PTPRN2: variants seen among roughly 807,000 people sequenced by gnomAD.
The protein encoded by PTPRN2 is receptor-type tyrosine-protein phosphatase N2.
In PTPRN2, 74 loss-of-function variants were observed where a neutral mutation model predicts 118.8. The ratio of observed to expected loss-of-function variants is 0.62; its 90% CI spans 0.52 to 0.76. The LOEUF (loss-of-function observed/expected upper bound fraction) is 0.76. PTPRN2 is among the 30% of genes least tolerant of loss of function. PTPRN2 has a pLI of 0.00. For synonymous variants in PTPRN2, 641 were observed against 608.0 expected (o/e 1.05, Z -0.80); for missense variants, 1,481 against 1,394.4 (o/e 1.06, Z -0.99).
At chr7:158,134,535 C>G (rs1459200186) in intron 8 of PTPRN2, among the ~76,000 whole-genome samples, 2 of 152,226 alleles carry the variant, frequency 1.3e-5, no homozygotes. Flanking sequence ...CATGAACACA[C>G]TGAGTCCTCA....
chr7:157,792,876 G>A (rs976986941), intron 12 of PTPRN2, among the ~76,000 whole-genome samples: 1 of 152,164 alleles, frequency 6.6e-6, no homozygotes, highest in African/African-American at 2.4e-5. Flanking sequence ...TGGGCACTGC[G>A]CTTCAACTTC....
At chr7:158,070,438 G>T (rs1811170310) in intron 11 of PTPRN2, among the ~76,000 whole-genome samples, 2 of 142,040 alleles carry the variant, frequency 1.4e-5, no homozygotes, top group Admixed American at 1.4e-4. Flanking sequence ...TCGTGGTGGT[G>T]GAGGTGCCCG....
At position 157,676,535 on chromosome 7, in the gene PTPRN2, G is replaced by A. The variant is rs1171926039; in HGVS notation, c.2001+6190C>T. On this transcript the variant is annotated intron_variant, in intron 13 of 22. Coordinates refer to ENST00000389418, the MANE Select transcript of PTPRN2 (RefSeq NM_002847.5). The surrounding 1 kb of genome is among the most constrained non-coding windows in gnomAD (Gnocchi z 5.6). ...TCCCACAGTGCCTCACACTACGAGG[G>A]AAGATGGTGGAGGAGCTGTCCAGAC... Among the ~76,000 whole-genome samples, 1 of 152,198 alleles carries A rather than the reference G, an allele frequency of 6.6e-6. No homozygotes were observed. Among genetic ancestry groups the A allele is most frequent in the Admixed American group, 6.5e-5 (1 of 15,288 alleles).
chr7:157,615,274 C>T lies in PTPRN2; in HGVS notation c.2344+6088G>A. On this transcript the variant is annotated intron_variant, in intron 15 of 22. Coordinates refer to ENST00000389418, the MANE Select transcript of PTPRN2 (RefSeq NM_002847.5). This position sits in a 1 kb window ranked among gnomAD's most constrained non-coding sequence, Gnocchi z 4.3. ...ATGCTAAGCCAGCCACACTTCTGCT[C>T]CAGAGAGGGCCCTGCAAGAGCGGTG... 2.8e-6 allele frequency: 1 copy of T among 356,256 alleles called. No homozygotes were observed. Among genetic ancestry groups the T allele is most frequent in the Admixed American group, 3.7e-5 (1 of 26,842 alleles). 22.1% of individuals were successfully genotyped at this position (356,256 alleles called of 1,614,324 possible). A position where few individuals can be genotyped will look rare whatever the true frequency, so the allele number is the denominator to read the frequency against.
At chr7:158,274,395 G>C (rs1798810545) in intron 3 of PTPRN2, among the ~76,000 whole-genome samples, 2 of 129,530 alleles carry the variant, frequency 1.5e-5, no homozygotes, top group Non-Finnish European at 3.2e-5. Flanking sequence ...CGCAGGCACA[G>C]GGGGAGCCAC....
At chr7:158,293,569 C>CT (rs1307845973) in intron 3 of PTPRN2, among the ~76,000 whole-genome samples, 5 of 151,330 alleles carry the variant, frequency 3.3e-5, no homozygotes, top group African/African-American at 1.2e-4. Context: ...GAGCAAGACT[C>CT]TGTCTCGAAA....
In PTPRN2 at chr7:158,151,150, T is replaced by C. The variant is rs112932388; in HGVS notation, c.911-12635A>G. Among the ~76,000 whole-genome samples, 188 of 34,516 alleles carry C rather than the reference T, an allele frequency of 5.4e-3. 8 individuals carry two copies. Among genetic ancestry groups the C allele is most frequent in the African/African-American group, 0.019 (152 of 7,862 alleles). The allele number at this position is 34,516 out of a possible 152,430, so 22.6% of individuals were successfully genotyped here. A position where few individuals can be genotyped will look rare whatever the true frequency, so the allele number is the denominator to read the frequency against. ...CACCGCCCGCCTTTCTATTCCTGCCTCTCCCTGCCCACACCGCCCGCCTTT... is the reference window on the plus strand; with the variant it reads ...CACCGCCCGCCTTTCTATTCCTGCCCCTCCCTGCCCACACCGCCCGCCTTT... On this transcript the variant is annotated intron_variant, in intron 6 of 22. Transcript: ENST00000389418.
At chr7:157,659,946 T>C (rs1795812097) in intron 13 of PTPRN2, among the ~76,000 whole-genome samples, 1 of 152,064 alleles carries the variant, frequency 6.6e-6, no homozygotes, top group African/African-American at 2.4e-5. Context: ...GGTTTCACCA[T>C]ATTGGCCAGG....
rs551115615 is a variant in PTPRN2 at position 158,150,134 on chromosome 7, C to T, written c.911-11619G>A. Among the ~76,000 whole-genome samples the T allele has an allele frequency of 9.7e-4, 148 of 152,258 alleles. 1 individual carries two copies. The highest frequency in any genetic ancestry group is 5.1e-3 in the Admixed American group (78 of 15,278). ...GTTCTGCTGAGCTCTGAAGCTTGGC[C>T]GGCAACAATGCTGTTCCCTGCAGGC... On this transcript the variant is annotated intron_variant, in intron 6 of 22. Transcript: ENST00000389418.
At chr7:157,670,098 G>A (rs1432583162) in intron 13 of PTPRN2, among the ~76,000 whole-genome samples, 2 of 152,176 alleles carry the variant, frequency 1.3e-5, no homozygotes, top group Non-Finnish European at 2.9e-5. Flanking sequence ...CAAGGGGCAC[G>A]GCTGGAGCAG....
intron 11 of PTPRN2, among the ~76,000 whole-genome samples, chr7:158,046,535 C>T (rs544613763): frequency 7.6e-4 from 116 of 152,334 alleles, no homozygotes; most frequent in Non-Finnish European, 8.2e-4. Context: ...GGCAATCCCG[C>T]GATTTCTCAT....
chr7:157,753,373 G>A (rs936464989), intron 12 of PTPRN2, among the ~76,000 whole-genome samples: 12 of 152,138 alleles, frequency 7.9e-5, no homozygotes, highest in Admixed American at 4.6e-4. Context: ...AATAGGAAGT[G>A]CAGTTTGGTG....
chr7:158,089,616 A>G (rs374501914), intron 10 of PTPRN2, among the ~76,000 whole-genome samples: 8 of 121,588 alleles, frequency 6.6e-5, no homozygotes, highest in Admixed American at 1.6e-4. Flanking sequence ...CCCTGATGAA[A>G]GAGGGAGTCT....
intron 12 of PTPRN2, among the ~76,000 whole-genome samples, chr7:157,709,557 T>C (rs958568852): frequency 2.0e-5 from 3 of 152,054 alleles, no homozygotes; most frequent in Admixed American, 6.5e-5. Context: ...TCTGAGAAAT[T>C]CCCTGCGAGC....
At chr7:157,827,784 CG>C (rs1807285371) in intron 12 of PTPRN2, among the ~76,000 whole-genome samples, 1 of 152,228 alleles carries the variant, frequency 6.6e-6, no homozygotes, top group Admixed American at 6.5e-5. Context: ...CCTGAGCTGC[CG>C]GCCCCGCCCT....
chr7:157,628,111 G>A (rs1022034918), intron 14 of PTPRN2, among the ~76,000 whole-genome samples: 19 of 152,180 alleles, frequency 1.2e-4, no homozygotes, highest in Admixed American at 3.9e-4. Context: ...TGCTAGACGG[G>A]TTTTGGAGGA....
chr7:158,480,487 T>A (rs1410632328), intron 2 of PTPRN2, among the ~76,000 whole-genome samples: 1 of 152,140 alleles, frequency 6.6e-6, no homozygotes, highest in Non-Finnish European at 1.5e-5. Context: ...GGCCTCTAAG[T>A]GTTCATGTGA....
chr7:158,227,679 T>C (rs1215251025), intron 3 of PTPRN2, among the ~76,000 whole-genome samples: 3 of 152,232 alleles, frequency 2.0e-5, no homozygotes, highest in Non-Finnish European at 4.4e-5. Flanking sequence ...AATGTGCAGC[T>C]TGCCCTCGCA....
rs576028169 is a variant in PTPRN2, at chr7:157,906,492, G to A, written c.1724-7755C>T. ...TAGCAGGGCCATACGTGAGGCCCAT[G>A]AGGGGCCCCACCTTCCCTCGGAGTG... On this transcript the variant is annotated intron_variant, in intron 11 of 22. Coordinates refer to ENST00000389418, the MANE Select transcript of PTPRN2 (RefSeq NM_002847.5). Among the ~76,000 whole-genome samples the A allele has an allele frequency of 2.8e-4, 43 of 152,344 alleles. No individual in the cohort carries two copies. In the South Asian group the frequency reaches 6.8e-3, roughly 24 times the overall value.
Sources: allele counts gnomAD v4.1 joint callset (sites outside exome capture counted in the v4.1 genomes callset), GRCh38; gene constraint gnomAD v4.1.1; non-coding constraint Gnocchi (gnomAD v3.1); transcripts MANE v1.5; gene names NCBI Gene and HGNC (gene_info 2026-07-23, HGNC 2026-07-21).